Variants in TM9SF4 observed in about 807,000 individuals in gnomAD.
TM9SF4 encodes transmembrane 9 superfamily member 4, also known as dinucleotide oxidase disulfide thiol exchanger 3 superfamily member 4.
A neutral mutation model predicts 90.4 loss-of-function variants in TM9SF4; 26 were observed. The observed-to-expected ratio is 0.29, with a 90% CI of 0.21 to 0.40. The LOEUF is 0.40. Among genes scored for constraint, TM9SF4 ranks in the 10% least tolerant of loss-of-function variants. TM9SF4 has a pLI of 1.00. For synonymous variants in TM9SF4, 293 were observed against 315.4 expected (o/e 0.93, Z 0.75); for missense variants, 549 against 834.8 (o/e 0.66, Z 4.22).
At chr20:32,137,772 C>T (rs2046615188) in intron 3 of TM9SF4, among the ~76,000 whole-genome samples, 1 of 152,172 alleles carries the variant, frequency 6.6e-6, no homozygotes, top group Admixed American at 6.5e-5. Context: ...ATGAGCTGGG[C>T]ACTGTTCTAA....
chr20:32,154,791 G>GAGA (rs1477185148), intron 12 of TM9SF4, among the ~76,000 whole-genome samples: 26 of 152,248 alleles, frequency 1.7e-4, no homozygotes, highest in African/African-American at 6.3e-4. Context: ...GAGTACATCA[G>GAGA]AGAACAAGGT....
At chr20:32,143,630 G>T (rs2046714444) in intron 6 of TM9SF4, among the ~76,000 whole-genome samples, 1 of 152,208 alleles carries the variant, frequency 6.6e-6, no homozygotes, top group Admixed American at 6.5e-5. Context: ...CACAGGAGCT[G>T]GTCCGGCTTT....
rs2046542373 is a variant in TM9SF4, at chr20:32,133,022, C to T, written c.25C>T (p.Pro9Ser). MATAMDWL[P>S]WSLLLFSLMC... Reference sequence around the variant, plus strand: ...CCTCTCTTCTGAGCAGGATTGGTTGCCGTGGTCTTTACTGCTTTTCTCCCT... The same window carrying T: ...CCTCTCTTCTGAGCAGGATTGGTTGTCGTGGTCTTTACTGCTTTTCTCCCT... Residue 9 changes from proline to serine, a missense_variant, in exon 2 of 18, where the codon CCG (proline) becomes TCG (serine). Pro to Ser is a moderately conservative substitution (Grantham distance 74, BLOSUM62 -1). Around this residue, in one of 2 missense-constraint regions of TM9SF4, gnomAD observed 495 missense variants for 711.7 expected, o/e 0.70. Transcript: ENST00000398022. The T allele has an allele frequency of 1.9e-6, 3 of 1,614,116 alleles. No homozygotes were observed. The highest frequency in any genetic ancestry group is 2.5e-6 in the Non-Finnish European group (3 of 1,179,986).
At chr20:32,130,470 C>A (rs1318919409) in intron 1 of TM9SF4, among the ~76,000 whole-genome samples, 1 of 152,280 alleles carries the variant, frequency 6.6e-6, no homozygotes, top group African/African-American at 2.4e-5. Context: ...GGGTTTATTT[C>A]TCTCACATGA....
At chr20:32,161,570 A>C (rs1203388508) in intron 17 of TM9SF4, among the ~76,000 whole-genome samples, 1 of 152,224 alleles carries the variant, frequency 6.6e-6, no homozygotes, top group East Asian at 1.9e-4. Flanking sequence ...TGGGAGACAA[A>C]GGCCATCAGG....
intron 17 of TM9SF4, among the ~76,000 whole-genome samples, chr20:32,163,288 T>TATATATATAG (rs1402188914): frequency 9.3e-6 from 1 of 107,510 alleles, no homozygotes; most frequent in Admixed American, 9.8e-5. Flanking sequence ...TATATATATA[T>TATATATATAG]ATATATATGT....
At chr20:32,132,976 T>C (rs1298447085) in intron 1 of TM9SF4, 37 bp from the exon 2 acceptor site, 42 of 1,589,986 alleles carry the variant, frequency 2.6e-5, no homozygotes, top group Non-Finnish European at 3.5e-5. Flanking sequence ...TCTTCACTTC[T>C]TCTCCCCAAT....
intron 15 of TM9SF4, chr20:32,158,994 A>C (rs2046973731): frequency 6.5e-6 from 1 of 154,964 alleles, no homozygotes; most frequent in South Asian, 1.9e-4. Flanking sequence ...AAAAAAAAAA[A>C]AAATTTAAAT....
At chr20:32,135,990 A>T in intron 2 of TM9SF4, 84 bp from the exon 3 acceptor site, 1 of 1,159,898 alleles carries the variant, frequency 8.6e-7, no homozygotes, top group Non-Finnish European at 1.3e-6. Flanking sequence ...TTTGCCTATT[A>T]GTTAATATTA....
chr20:32,163,606 A>AT lies in TM9SF4; in HGVS notation c.1780-1666dup, dbSNP rs397866148. Among the ~76,000 whole-genome samples, 986 of 99,292 alleles carry AT rather than the reference A, an allele frequency of 9.9e-3. 9 individuals carry two copies. Among genetic ancestry groups the AT allele is most frequent in the Middle Eastern group, 0.056 (10 of 180 alleles). 65.1% of individuals were successfully genotyped at this position (99,292 alleles called of 152,430 possible). ...GACTGGCTTAGGTCTTGTGCTAGGAATTTTTTTTTTTTTTTTTTTTTTTGA... is the reference window on the plus strand; with the variant it reads ...GACTGGCTTAGGTCTTGTGCTAGGAATTTTTTTTTTTTTTTTTTTTTTTTGA... On this transcript the variant is annotated intron_variant, in intron 17 of 17. Transcript: ENST00000398022.
At chr20:32,149,337 CCA>C (rs2046808145) in intron 9 of TM9SF4, among the ~76,000 whole-genome samples, 1 of 152,170 alleles carries the variant, frequency 6.6e-6, no homozygotes, top group African/African-American at 2.4e-5. Context: ...CCAAATCTCA[CCA>C]CCCAAGAACT....
At chr20:32,125,681 CTTTTT>C (rs11470673) in intron 1 of TM9SF4, among the ~76,000 whole-genome samples, 10 of 108,922 alleles carry the variant, frequency 9.2e-5, no homozygotes, top group Non-Finnish European at 1.4e-4. Flanking sequence ...TCTCTTTTTT[CTTTTT>C]TTTTTTTTTT....
intron 17 of TM9SF4, 53 bp from the exon 18 acceptor site, chr20:32,165,242 A>T (rs896786873): frequency 1.2e-6 from 2 of 1,605,952 alleles, no homozygotes; most frequent in African/African-American, 2.7e-5. Context: ...CCAGTTCGCC[A>T]TGCAGCCTGG....
chr20:32,145,102 G>C lies in TM9SF4; in HGVS notation c.664G>C (p.Asp222His), dbSNP rs1489834370. The C allele has an allele frequency of 1.2e-6, 2 of 1,613,960 alleles. No homozygotes were observed. Among genetic ancestry groups the C allele is most frequent in the Non-Finnish European group, 1.7e-6 (2 of 1,179,978 alleles). Residue 222 changes from aspartate (D) to histidine (H), a missense_variant, in exon 7 of 18, where the codon GAT (aspartate) becomes CAT (histidine). Transcript: ENST00000398022. ...TGTGTCTCTCTCAGACCTCAAAGCA[G>C]ATGAGAAGAGTTCGTGCACTCTGCC... is the stretch of plus-strand genomic sequence containing the variant. Reference protein sequence around the residue: ...QSIRLEDLKADEKSSCTLPEG... With the variant: ...QSIRLEDLKAHEKSSCTLPEG...
intron 6 of TM9SF4, among the ~76,000 whole-genome samples, chr20:32,144,526 C>T (rs572254856): frequency 3.9e-5 from 6 of 152,286 alleles, no homozygotes; most frequent in East Asian, 3.9e-4. Context: ...GGAGGAACTC[C>T]GACTCAGGCC....
At chr20:32,157,719 G>A (rs1470163635) in intron 13 of TM9SF4, 75 bp from the exon 14 acceptor site, 4 of 1,554,848 alleles carry the variant, frequency 2.6e-6, no homozygotes, top group Non-Finnish European at 3.5e-6. Flanking sequence ...GAGCCCAGAA[G>A]GTCCCCTCCC....
chr20:32,134,203 A>G (rs558139408), intron 2 of TM9SF4, among the ~76,000 whole-genome samples: 1 of 152,184 alleles, frequency 6.6e-6, no homozygotes, highest in East Asian at 1.9e-4. Context: ...GCCTGGAGGT[A>G]CCAGAGCTGC....
intron 12 of TM9SF4, among the ~76,000 whole-genome samples, chr20:32,154,840 A>T (rs2046895062): frequency 6.6e-6 from 1 of 152,238 alleles, no homozygotes; most frequent in African/African-American, 2.4e-5. Context: ...TCTTTTGGGG[A>T]TAGGCGGATA....
At chr20:32,110,874 T>C (rs1014861843) in intron 1 of TM9SF4, among the ~76,000 whole-genome samples, 9 of 152,192 alleles carry the variant, frequency 5.9e-5, no homozygotes, top group African/African-American at 2.2e-4. Flanking sequence ...AGAACTAAAA[T>C]TGAAGTCACT....
Sources: allele counts gnomAD v4.1 joint callset (sites outside exome capture counted in the v4.1 genomes callset), GRCh38; gene constraint gnomAD v4.1.1; regional missense constraint gnomAD v4.1.1; transcripts MANE v1.5; gene names NCBI Gene and HGNC (gene_info 2026-07-23, HGNC 2026-07-21).